Variants in THSD7A observed in about 807,000 individuals in gnomAD.
THSD7A encodes the protein thrombospondin type 1 domain containing 7A.
A neutral mutation model predicts 231.3 loss-of-function variants in THSD7A; 96 were observed. The observed-to-expected ratio is 0.41, with a 90% CI of 0.35 to 0.49. The LOEUF is 0.49. Ranked by LOEUF, THSD7A falls within the 20% of genes least tolerant of loss-of-function variation. The pLI, the probability that THSD7A is intolerant of heterozygous loss-of-function variation, is 0.05. For synonymous variants in THSD7A, 940 were observed against 743.3 expected, an observed-to-expected ratio of 1.26 and a Z score of -4.30; for missense variants, 2,290 against 2,070.2, an observed-to-expected ratio of 1.11 and a Z score of -2.06.
chr7:11,614,623 A>G (rs1781044540), intron 2 of THSD7A, among the ~76,000 whole-genome samples: 2 of 152,350 alleles, frequency 1.3e-5, no homozygotes, highest in Admixed American at 1.3e-4. Context: ...TTGAATACAC[A>G]CAGAAAGAAT....
At chr7:11,558,754 G>A (rs1245169012) in intron 4 of THSD7A, among the ~76,000 whole-genome samples, 1 of 152,088 alleles carries the variant, frequency 6.6e-6, no homozygotes, top group Non-Finnish European at 1.5e-5. Context: ...AATAATAATT[G>A]GAAAAGTGTG....
intron 2 of THSD7A, among the ~76,000 whole-genome samples, chr7:11,599,014 G>T (rs1209498294): frequency 6.6e-6 from 1 of 152,292 alleles, no homozygotes; most frequent in East Asian, 1.9e-4. Flanking sequence ...GATGAAATCA[G>T]TTTACTACTC....
intron 1 of THSD7A, among the ~76,000 whole-genome samples, chr7:11,709,569 G>C (rs569053824): frequency 6.6e-5 from 10 of 150,866 alleles, no homozygotes; most frequent in Admixed American, 6.6e-4. Context: ...GTCTCTTTTG[G>C]TGTATAGTTC....
At chr7:11,428,883 G>T in intron 14 of THSD7A, 64 bp downstream of exon 14, 3 of 1,516,412 alleles carry the variant, frequency 2.0e-6, no homozygotes, top group Non-Finnish European at 2.6e-6. Context: ...TCTCCATTTT[G>T]GAGAAAAAAT....
chr7:11,818,496 G>A (rs370810399), intron 1 of THSD7A, among the ~76,000 whole-genome samples: 8 of 152,204 alleles, frequency 5.3e-5, no homozygotes, highest in African/African-American at 9.6e-5. Flanking sequence ...AGCAACCTAA[G>A]TAGCAGGCTG....
At chr7:11,829,338 A>G (rs980891225) in intron 1 of THSD7A, among the ~76,000 whole-genome samples, 6 of 152,076 alleles carry the variant, frequency 3.9e-5, no homozygotes, top group African/African-American at 1.4e-4. Context: ...CATATATATG[A>G]AGCCCTTTAG....
rs1251054959 is a variant in THSD7A, at chr7:11,372,708, C to T, written c.*3086G>A. On this transcript the variant is annotated 3_prime_UTR_variant, in exon 28 of 28. Transcript: ENST00000423059. ...TTCATTCTAGGGAACAGCAGTTCTA[C>T]ATCTTTTACCCCCTCGGTGAGGTAA... is the stretch of plus-strand genomic sequence containing the variant. The T allele has an allele frequency of 6.6e-6, 1 of 152,018 alleles. No homozygotes were observed. Among genetic ancestry groups the T allele is most frequent in the Non-Finnish European group, 1.5e-5 (1 of 67,982 alleles). The allele number at this position is 152,018 out of a possible 1,614,324, so 9.4% of individuals were successfully genotyped here.
intron 23 of THSD7A, among the ~76,000 whole-genome samples, chr7:11,386,215 C>A (rs1353987914): frequency 6.6e-6 from 1 of 152,156 alleles, no homozygotes; most frequent in African/African-American, 2.4e-5. Flanking sequence ...GGTTCATAAT[C>A]CTTTATGTAT....
chr7:11,666,484 C>T lies in THSD7A; in HGVS notation c.191-29523G>A, dbSNP rs117505984. ...GGAGCATTTTGGATTAGGGATGCTC[C>T]ACCTGTATTATAATTTAACTTGTTG... On this transcript the variant is annotated intron_variant, in intron 1 of 27. Transcript: ENST00000423059. Among the ~76,000 whole-genome samples the T allele has an allele frequency of 4.1e-3, 630 of 152,026 alleles. 5 individuals carry two copies. The highest frequency in any genetic ancestry group is 0.017 in the Middle Eastern group (5 of 294).
At chr7:11,801,418 C>T (rs1583302260) in intron 1 of THSD7A, among the ~76,000 whole-genome samples, 1 of 151,938 alleles carries the variant, frequency 6.6e-6, no homozygotes, top group African/African-American at 2.4e-5. Context: ...AAAGCATGTG[C>T]GAAGTATGGA....
chr7:11,420,530 C>T (rs942049897), intron 16 of THSD7A, among the ~76,000 whole-genome samples: 3 of 152,244 alleles, frequency 2.0e-5, no homozygotes, highest in African/African-American at 7.2e-5. Context: ...TATGGAAATG[C>T]CTGGATGTCC....
intron 1 of THSD7A, among the ~76,000 whole-genome samples, chr7:11,782,185 A>C (rs973208243): frequency 5.9e-5 from 9 of 152,226 alleles, no homozygotes; most frequent in African/African-American, 1.2e-4. Context: ...TCTGTTCTGC[A>C]GCACTTCATA....
intron 11 of THSD7A, among the ~76,000 whole-genome samples, chr7:11,447,973 A>G (rs957415125): frequency 6.6e-6 from 1 of 152,138 alleles, no homozygotes; most frequent in Non-Finnish European, 1.5e-5. Flanking sequence ...CTGCATTGGC[A>G]TGGGAAGTAT....
rs897799731 is a variant in THSD7A, at chr7:11,590,882, T to C, written c.1272-241A>G. 6.6e-6 allele frequency among the ~76,000 whole-genome samples: 1 copy of C among 152,168 alleles called. No individual in the cohort carries two copies. The highest frequency in any genetic ancestry group is 2.4e-5 in the African/African-American group (1 of 41,438). On this transcript the variant is annotated intron_variant, in intron 3 of 27. Transcript: ENST00000423059. This position sits in a 1 kb window ranked among gnomAD's most constrained non-coding sequence, Gnocchi z 4.4. Reference sequence around the variant, plus strand: ...AATTGCAATTACTGGAAGTTACTTATAAATATTTTATGAAAAGGGAGCACA... The same window carrying C: ...AATTGCAATTACTGGAAGTTACTTACAAATATTTTATGAAAAGGGAGCACA...
At chr7:11,415,967 T>A (rs1319490241) in intron 17 of THSD7A, among the ~76,000 whole-genome samples, 1 of 152,154 alleles carries the variant, frequency 6.6e-6, no homozygotes, top group African/African-American at 2.4e-5. Flanking sequence ...AGTGCTGGAG[T>A]CTCTCTGAAC....
At chr7:11,535,273 T>C (rs1307547766) in intron 6 of THSD7A, among the ~76,000 whole-genome samples, 4 of 152,106 alleles carry the variant, frequency 2.6e-5, no homozygotes, top group Non-Finnish European at 4.4e-5. Context: ...GACGGTTTTT[T>C]CTAAAAAAGT....
At chr7:11,396,028 G>C (rs966582930) in intron 23 of THSD7A, among the ~76,000 whole-genome samples, 3 of 152,146 alleles carry the variant, frequency 2.0e-5, no homozygotes, top group African/African-American at 7.2e-5. Flanking sequence ...TGAACAACCT[G>C]CTCCTGAATG....
Position 11,478,679 on chromosome 7 carries a change from T to C in THSD7A, c.2017+3109A>G, listed in dbSNP as rs575407651. On this transcript the variant is annotated intron_variant, in intron 7 of 27. Transcript: ENST00000423059. The stretch of plus-strand genomic sequence containing the variant: ...GGAAGAGAAAGTGCCATTCTATCAT[T>C]CTGTCATTCATTTAAGAGGAACAAA... 3.9e-5 allele frequency among the ~76,000 whole-genome samples: 6 copies of C among 152,260 alleles called. 1 individual carries two copies. The highest frequency in any genetic ancestry group is 1.4e-4 in the African/African-American group (6 of 41,568).
At chr7:11,401,731 A>T (rs10950347) in intron 23 of THSD7A, 64 bp downstream of exon 23, 418,480 of 1,450,872 alleles carry the variant, frequency 0.29, 62,935 homozygotes, top group Non-Finnish European at 0.31. Flanking sequence ...TATTTTTAAC[A>T]GACTATTTTT....
Sources: gnomAD v4.1 joint callset for allele counts (sites outside exome capture counted in the v4.1 genomes callset) on GRCh38, gnomAD v4.1.1 for gene constraint, Gnocchi (gnomAD v3.1) non-coding constraint, MANE v1.5 for transcripts, NCBI Gene and HGNC (gene_info 2026-07-23, HGNC 2026-07-21) for gene names.